Variants in PTPRJ observed in about 807,000 individuals in gnomAD.
PTPRJ encodes the protein receptor-type tyrosine-protein phosphatase eta.
Under a neutral mutation model 141.3 loss-of-function variants are expected in PTPRJ, and 129 were observed. The observed-to-expected ratio is 0.91, with a 90% CI of 0.79 to 1.06. The LOEUF is 1.06. Among genes scored for constraint, PTPRJ ranks in the 50% least tolerant of loss-of-function variants. PTPRJ has a pLI of 0.00. For synonymous variants in PTPRJ, 610 were observed against 640.5 expected (o/e 0.95, Z 0.72); for missense variants, 1,601 against 1,679.7 (o/e 0.95, Z 0.82).
intron 21 of PTPRJ, among the ~76,000 whole-genome samples, chr11:48,157,971 G>A (rs974106907): frequency 6.6e-6 from 1 of 152,216 alleles, no homozygotes; most frequent in Non-Finnish European, 1.5e-5. Context: ...TGGCCAACAT[G>A]GCGAAACCCA....
intron 1 of PTPRJ, among the ~76,000 whole-genome samples, chr11:48,009,413 T>A (rs953735528): frequency 4.6e-5 from 7 of 152,170 alleles, no homozygotes; most frequent in African/African-American, 1.7e-4. Flanking sequence ...CTGGCCAGTA[T>A]GGCGAGACCC....
intron 1 of PTPRJ, among the ~76,000 whole-genome samples, chr11:48,042,085 A>T (rs953157466): frequency 7.9e-5 from 12 of 152,058 alleles, no homozygotes; most frequent in South Asian, 2.1e-4. Flanking sequence ...TTATTGAATC[A>T]ATAAAGATAC....
In PTPRJ at chr11:48,137,150, T is replaced by C; in HGVS notation, c.2021T>C (p.Val674Ala). ...AGNSSNATQV[V>A]TDIGITDATV... Reference sequence around the variant, plus strand: ...AATTCCAGCAACGCAACACAAGTAGTCACGGACATTGGAATTACTGACGCT... The same window carrying C: ...AATTCCAGCAACGCAACACAAGTAGCCACGGACATTGGAATTACTGACGCT... Residue 674 changes from valine (V) to alanine (A), a missense_variant, in exon 10 of 25, where the codon GTC becomes GCC. By Grantham distance (64) the Val-to-Ala change is moderately conservative. Transcript: ENST00000418331. 1 of 1,612,952 alleles carries C rather than the reference T, an allele frequency of 6.2e-7. No homozygotes were observed. The highest frequency in any genetic ancestry group is 8.5e-7 in the Non-Finnish European group (1 of 1,178,910).
chr11:48,163,065 C>G (rs1411869832), intron 22 of PTPRJ, among the ~76,000 whole-genome samples: 2 of 151,958 alleles, frequency 1.3e-5, no homozygotes, highest in South Asian at 2.1e-4. Flanking sequence ...CAGGGGGGCT[C>G]GGGGATGGGG....
chr11:48,132,349 T>G (rs1468612749), intron 8 of PTPRJ: 2 of 974,324 alleles, frequency 2.1e-6, no homozygotes, highest in Non-Finnish European at 2.4e-6. Flanking sequence ...AGCACCAGCC[T>G]GGGAGACCCT....
intron 5 of PTPRJ, 33 bp from the exon 6 acceptor site, chr11:48,124,935 T>G (rs781418079): frequency 6.2e-7 from 1 of 1,604,210 alleles, no homozygotes; most frequent in Non-Finnish European, 8.5e-7. Flanking sequence ...CCTCTTGTGG[T>G]TGATGTCTTT....
At chr11:48,006,946 T>C (rs1275703287) in intron 1 of PTPRJ, among the ~76,000 whole-genome samples, 1 of 152,202 alleles carries the variant, frequency 6.6e-6, no homozygotes, top group African/African-American at 2.4e-5. Flanking sequence ...TGTCTTAATA[T>C]GAAGCTAGGC....
chr11:48,096,370 G>C (rs1041144508), intron 1 of PTPRJ, among the ~76,000 whole-genome samples: 3 of 152,134 alleles, frequency 2.0e-5, no homozygotes, highest in South Asian at 2.1e-4. Flanking sequence ...TCCTGCGAAG[G>C]CCGATGGGAT....
At chr11:48,104,417 C>G (rs1209114800) in intron 1 of PTPRJ, among the ~76,000 whole-genome samples, 1 of 152,198 alleles carries the variant, frequency 6.6e-6, no homozygotes, top group Non-Finnish European at 1.5e-5. Flanking sequence ...ATCCCATAAA[C>G]TGCTATTTGA....
At chr11:48,085,753 G>C (rs1855686999) in intron 1 of PTPRJ, among the ~76,000 whole-genome samples, 1 of 152,182 alleles carries the variant, frequency 6.6e-6, no homozygotes, top group Admixed American at 6.5e-5. Flanking sequence ...TCAAGACAGA[G>C]CCCTGTGGAC....
At chr11:48,154,167 T>C (rs1339334879) in intron 19 of PTPRJ, among the ~76,000 whole-genome samples, 1 of 152,258 alleles carries the variant, frequency 6.6e-6, no homozygotes, top group African/African-American at 2.4e-5. Context: ...TTTCCAAGGT[T>C]ACACAGGTAG....
At chr11:48,044,458 G>T (rs1030599252) in intron 1 of PTPRJ, among the ~76,000 whole-genome samples, 4 of 152,172 alleles carry the variant, frequency 2.6e-5, no homozygotes, top group Non-Finnish European at 5.9e-5. Flanking sequence ...ATTTTCAGCA[G>T]GACTCTAAGG....
chr11:48,033,029 G>A (rs1014395666), intron 1 of PTPRJ, among the ~76,000 whole-genome samples: 7 of 151,792 alleles, frequency 4.6e-5, no homozygotes, highest in Non-Finnish European at 1.0e-4. Flanking sequence ...ATCGGCTTGG[G>A]CAACATAGTG....
At chr11:48,005,644 G>A (rs1219866353) in intron 1 of PTPRJ, among the ~76,000 whole-genome samples, 1 of 152,190 alleles carries the variant, frequency 6.6e-6, no homozygotes, top group Admixed American at 6.5e-5. Context: ...TATTGTGAGT[G>A]ACACTGCTAT....
intron 21 of PTPRJ, among the ~76,000 whole-genome samples, chr11:48,156,697 C>T (rs565424447): frequency 6.6e-6 from 1 of 150,830 alleles, no homozygotes; most frequent in East Asian, 2.0e-4. Flanking sequence ...GGGCTCCCTC[C>T]CACTTCAGCC....
chr11:48,166,301 C>T lies in PTPRJ; in HGVS notation c.3856-903C>T, dbSNP rs537391671. Among the ~76,000 whole-genome samples, 5 of 151,584 alleles carry T rather than the reference C, an allele frequency of 3.3e-5. No homozygotes were observed. In the South Asian group the frequency reaches 1.0e-3, roughly 32 times the overall value. ...CACACACACACACGCACACACAGTA[C>T]TTTGAAAAAATTGGATGCTGTTTTT... On this transcript the variant is annotated intron_variant, in intron 24 of 24. Coordinates refer to ENST00000418331, the MANE Select transcript of PTPRJ (RefSeq NM_002843.4).
intron 1 of PTPRJ, chr11:48,046,447 T>C (rs575128750): frequency 4.6e-5 from 7 of 152,252 alleles, no homozygotes; most frequent in African/African-American, 1.7e-4. Context: ...TTGCCAAGGG[T>C]TGCTGTCATC....
At chr11:48,114,429 C>CAAAAA (rs71045544) in intron 3 of PTPRJ, among the ~76,000 whole-genome samples, 9 of 68,734 alleles carry the variant, frequency 1.3e-4, no homozygotes, top group African/African-American at 3.3e-4. Flanking sequence ...GACTCTGTCT[C>CAAAAA]AAAAAAAAAA....
intron 6 of PTPRJ, among the ~76,000 whole-genome samples, chr11:48,127,563 C>T (rs1442081112): frequency 6.6e-6 from 1 of 152,106 alleles, no homozygotes; most frequent in Non-Finnish European, 1.5e-5. Flanking sequence ...AAAGAATAAC[C>T]CTGCAGGTGC....
Sources: allele counts gnomAD v4.1 joint callset (sites outside exome capture counted in the v4.1 genomes callset), GRCh38; gene constraint gnomAD v4.1.1; transcripts MANE v1.5; gene names NCBI Gene and HGNC (gene_info 2026-07-23, HGNC 2026-07-21).